TMEM165: variants seen among roughly 807,000 people sequenced by gnomAD.
TMEM165 encodes putative divalent cation/proton antiporter TMEM165.
TMEM165 carries 19 observed loss-of-function variants against 30.0 expected under a neutral mutation model. The ratio of observed to expected loss-of-function variants is 0.63; its 90% CI spans 0.44 to 0.93. The LOEUF (loss-of-function observed/expected upper bound fraction) is 0.93, where lower values mean the gene tolerates loss of function less well. TMEM165 is among the 40% of genes least tolerant of loss of function. TMEM165 has a pLI of 0.00. For missense variants in TMEM165, 340 were observed against 417.0 expected (o/e 0.82, Z 1.61); for synonymous variants, 168 against 162.9 (o/e 1.03, Z -0.24).
intron 2 of TMEM165, chr4:55,412,171 G>A (rs1237165213): frequency 3.0e-6 from 1 of 335,904 alleles, no homozygotes; most frequent in African/African-American, 2.2e-5. Flanking sequence ...GAAGTGGACA[G>A]ATCACGAGGT....
intron 1 of TMEM165, among the ~76,000 whole-genome samples, chr4:55,401,354 T>C (rs982420642): frequency 6.6e-6 from 1 of 150,802 alleles, no homozygotes; most frequent in Admixed American, 6.6e-5. Context: ...AATAGTTTTT[T>C]CTTACTCTTT....
intron 4 of TMEM165, among the ~76,000 whole-genome samples, chr4:55,422,825 A>G (rs1357741724): frequency 2.6e-5 from 4 of 151,634 alleles, no homozygotes; most frequent in Non-Finnish European, 5.9e-5. Context: ...AATTTTTTGT[A>G]TTTTTAGTAG....
rs1560388020 is a variant in TMEM165 at position 55,403,491 on chromosome 4, T to TG, written c.207+7095_207+7096insG. ...TACTTTCTAAATGAGGGTGCCTTTTTCTTTTTCTTTTTTTTTTTTTTACAA... is the reference window on the plus strand; with the variant it reads ...TACTTTCTAAATGAGGGTGCCTTTTTGCTTTTTCTTTTTTTTTTTTTTACAA... On this transcript the variant is annotated intron_variant, in intron 1 of 5. Transcript: ENST00000381334. 1.0e-4 allele frequency among the ~76,000 whole-genome samples: 10 copies of TG among 95,716 alleles called. 1 individual carries two copies. Among genetic ancestry groups the TG allele is most frequent in the African/African-American group, 3.6e-4 (9 of 25,118 alleles). 62.8% of individuals were successfully genotyped at this position (95,716 alleles called of 152,430 possible). A position where few individuals can be genotyped will look rare whatever the true frequency, so the allele number is the denominator to read the frequency against.
intron 3 of TMEM165, among the ~76,000 whole-genome samples, chr4:55,449,676 C>A (rs956241490): frequency 6.6e-6 from 1 of 151,924 alleles, no homozygotes; most frequent in African/African-American, 2.4e-5. Context: ...TTTATGAGCA[C>A]AAAGAAAATA....
chr4:55,409,571 C>G (rs1291569539), intron 1 of TMEM165, among the ~76,000 whole-genome samples: 1 of 152,138 alleles, frequency 6.6e-6, no homozygotes, highest in East Asian at 1.9e-4. Context: ...AAGGGCTGTC[C>G]TGTGCATTGT....
At chr4:55,397,352 C>T (rs759197084) in intron 1 of TMEM165, 17 of 152,196 alleles carry the variant, frequency 1.1e-4, no homozygotes, top group Admixed American at 2.0e-4. Context: ...TCCAGCTCAC[C>T]TCCAGGCTTT....
chr4:55,426,553 C>G (rs1722208926), downstream of TMEM165, among the ~76,000 whole-genome samples: 1 of 152,192 alleles, frequency 6.6e-6, no homozygotes, highest in Non-Finnish European at 1.5e-5. Flanking sequence ...GCTGCTTTCT[C>G]TCAGCCTTTT....
At chr4:55,453,028 A>T (rs1431906788) in exon 4 of TMEM165, 12 of 1,503,602 alleles carry the variant, frequency 8.0e-6, no homozygotes, top group East Asian at 4.8e-5. Context: ...ATTAAAAATA[A>T]TTTTTTTTAA....
chr4:55,400,256 T>TA (rs1553884912), intron 1 of TMEM165, among the ~76,000 whole-genome samples: 6 of 52,390 alleles, frequency 1.1e-4, no homozygotes, highest in African/African-American at 3.9e-4. Flanking sequence ...TTATATTATA[T>TA]TAATATATAA....
chr4:55,411,716 A>AT lies in TMEM165; in HGVS notation c.312dup (p.Ile105TyrfsTer4), dbSNP rs1441910360. ...TGCATTTGTCGCTGCCATATCAGTT[A>AT]TTATTGTATCTGAATTGGGTGATAA... On this transcript the variant is annotated frameshift_variant, in exon 2 of 6. Coordinates refer to ENST00000381334, the MANE Select transcript of TMEM165 (RefSeq NM_018475.5). LOFTEE classifies it high-confidence loss of function. 6.2e-7 allele frequency: 1 copy of AT among 1,614,170 alleles called. No homozygotes were observed. The highest frequency in any genetic ancestry group is 2.2e-5 in the East Asian group (1 of 44,882).
At chr4:55,411,882 G>C (rs1232109897) in intron 2 of TMEM165, 43 bp downstream of exon 2, 1 of 1,582,450 alleles carries the variant, frequency 6.3e-7, no homozygotes, top group Non-Finnish European at 8.7e-7. Flanking sequence ...GAATTAAAGG[G>C]AAAGCGTGTT....
chr4:55,433,883 CTTT>C (rs967496293), intron 3 of TMEM165: 10 of 152,122 alleles, frequency 6.6e-5, no homozygotes, highest in African/African-American at 1.9e-4. Flanking sequence ...CCTACCCCTT[CTTT>C]TTTCTTTGTA....
intron 2 of TMEM165, among the ~76,000 whole-genome samples, chr4:55,412,384 ACT>A (rs1283766931): frequency 3.7e-5 from 4 of 108,158 alleles, no homozygotes; most frequent in Admixed American, 3.7e-4. Context: ...ATAGAGTGAG[ACT>A]CCATCTCAAA....
chr4:55,396,294 A>G lies in TMEM165; in HGVS notation c.105A>G (p.Pro35=). 6.5e-7 allele frequency: 1 copy of G among 1,530,396 alleles called. No individual in the cohort carries two copies. The highest frequency in any genetic ancestry group is 8.7e-7 in the Non-Finnish European group (1 of 1,144,176). 94.8% of individuals were successfully genotyped at this position (1,530,396 alleles called of 1,614,324 possible). ...CCCCGGCTGCGGTCCGGGCCGGCCCAGATGAAGACCTTAGCCACCGGAACA... is the reference window on the plus strand; with the variant it reads ...CCCCGGCTGCGGTCCGGGCCGGCCCGGATGAAGACCTTAGCCACCGGAACA... ...LWAPAAVRAG[P]DEDLSHRNKE... The change falls in exon 1 of 6, where the codon CCA becomes CCG. Residue 35 remains proline, a synonymous_variant. Coordinates refer to ENST00000381334, the MANE Select transcript of TMEM165 (RefSeq NM_018475.5).
chr4:55,450,145 C>A, intron 3 of TMEM165: 1 of 1,613,984 alleles, frequency 6.2e-7, no homozygotes, highest in South Asian at 1.1e-5. Context: ...CGAGAAGAGG[C>A]AGAAGGGGTT....
chr4:55,435,379 C>A, intron 3 of TMEM165: 3 of 1,612,610 alleles, frequency 1.9e-6, no homozygotes, highest in Non-Finnish European at 2.5e-6. Context: ...GGGCCATCCC[C>A]TTCCTCCCTT....
At chr4:55,437,960 G>A (rs1274479801) in intron 3 of TMEM165, among the ~76,000 whole-genome samples, 2 of 152,196 alleles carry the variant, frequency 1.3e-5, no homozygotes, top group African/African-American at 4.8e-5. Context: ...CTAGAAAAAG[G>A]AGGAAAGAGG....
At chr4:55,405,869 A>G (rs1721249692) in intron 1 of TMEM165, among the ~76,000 whole-genome samples, 1 of 151,948 alleles carries the variant, frequency 6.6e-6, no homozygotes, top group South Asian at 2.1e-4. Flanking sequence ...GTCCACAAAC[A>G]TAAAGAATTT....
At chr4:55,444,577 C>G in intron 3 of TMEM165, 1 of 1,607,660 alleles carries the variant, frequency 6.2e-7, no homozygotes, top group Non-Finnish European at 8.5e-7. Flanking sequence ...GTTAATTTTC[C>G]TAGAAATCCA....
Sources: gnomAD v4.1 joint callset for allele counts (sites outside exome capture counted in the v4.1 genomes callset) on GRCh38, gnomAD v4.1.1 for gene constraint, MANE v1.5 for transcripts, NCBI Gene and HGNC (gene_info 2026-07-23, HGNC 2026-07-21) for gene names.